Variants in GALK2 observed in about 807,000 individuals in gnomAD.
GALK2 encodes N-acetylgalactosamine kinase.
A neutral mutation model predicts 52.4 loss-of-function variants in GALK2; 36 were observed. The ratio of observed to expected loss-of-function variants is 0.69; its 90% CI spans 0.53 to 0.91. GALK2 has a LOEUF of 0.91. GALK2 is among the 40% of genes least tolerant of loss of function. GALK2 has a pLI of 0.00. For missense variants in GALK2, 579 were observed against 559.1 expected (o/e 1.04, Z -0.36); for synonymous variants, 176 against 199.1 (o/e 0.88, Z 0.98).
At chr15:49,232,807 T>C (rs535674188) in intron 3 of GALK2, among the ~76,000 whole-genome samples, 134 of 152,226 alleles carry the variant, frequency 8.8e-4, no homozygotes, top group Non-Finnish European at 1.7e-3. Flanking sequence ...AAATGACCTT[T>C]ACACTAGTTC....
chr15:49,294,101 A>T (rs2034212300), intron 8 of GALK2, among the ~76,000 whole-genome samples: 1 of 148,622 alleles, frequency 6.7e-6, no homozygotes, highest in Admixed American at 6.8e-5. Context: ...TAAATAAATA[A>T]ATAAATAAAT....
At position 49,328,753 on chromosome 15, in the gene GALK2, C is replaced by A; in HGVS notation, c.*594C>A. The A allele has an allele frequency of 6.7e-7, 1 of 1,487,840 alleles. No homozygotes were observed. The highest frequency in any genetic ancestry group is 9.0e-7 in the Non-Finnish European group (1 of 1,116,194). The allele number at this position is 1,487,840 out of a possible 1,614,324, so 92.2% of individuals were successfully genotyped here. A position where few individuals can be genotyped will look rare whatever the true frequency, so the allele number is the denominator to read the frequency against. On this transcript the variant is annotated 3_prime_UTR_variant, in exon 10 of 10. Coordinates refer to ENST00000560031, the MANE Select transcript of GALK2 (RefSeq NM_002044.4). ...AATTGAATTTGAATGTGAGATTTCT[C>A]CAGTTATCAAGAGACTAAGGATTTT...
chr15:49,192,496 T>TATATATATATAC (rs1389951854), intron 1 of GALK2, among the ~76,000 whole-genome samples: 3 of 41,974 alleles, frequency 7.1e-5, no homozygotes, highest in East Asian at 1.0e-3. Flanking sequence ...TATATATATA[T>TATATATATATAC]ATATATATAT....
upstream of GALK2, chr15:49,169,302 T>G (rs1168625815): frequency 6.6e-6 from 1 of 152,138 alleles, no homozygotes; most frequent in African/African-American, 2.4e-5. Flanking sequence ...TATTGCTAGC[T>G]GTCTTTGCTT....
chr15:49,286,512 C>T (rs779569647), intron 7 of GALK2, among the ~76,000 whole-genome samples: 10 of 152,056 alleles, frequency 6.6e-5, no homozygotes, highest in African/African-American at 1.2e-4. Flanking sequence ...ATATACTGAA[C>T]GAGGAAAATA....
intron 1 of GALK2, among the ~76,000 whole-genome samples, chr15:49,190,247 A>G (rs1211361164): frequency 1.3e-5 from 2 of 152,212 alleles, no homozygotes; most frequent in Non-Finnish European, 2.9e-5. Context: ...ATGGTATTTT[A>G]CAACTCTATA....
chr15:49,303,266 A>G (rs2035266890), intron 8 of GALK2, among the ~76,000 whole-genome samples: 1 of 152,224 alleles, frequency 6.6e-6, no homozygotes, highest in African/African-American at 2.4e-5. Flanking sequence ...CTTCAAAACT[A>G]AAAATGAATG....
chr15:49,296,348 C>G (rs894005545), intron 8 of GALK2, among the ~76,000 whole-genome samples: 1 of 152,138 alleles, frequency 6.6e-6, no homozygotes, highest in Non-Finnish European at 1.5e-5. Context: ...CAGTGTTTAC[C>G]TCCCACTTAC....
chr15:49,209,927 G>T (rs775893901), intron 2 of GALK2, among the ~76,000 whole-genome samples: 1 of 152,150 alleles, frequency 6.6e-6, no homozygotes. Flanking sequence ...TTCTTTAAAG[G>T]TTTGGTAGAA....
chr15:49,271,135 A>G (rs2030510615), intron 5 of GALK2, among the ~76,000 whole-genome samples: 1 of 152,166 alleles, frequency 6.6e-6, no homozygotes, highest in Non-Finnish European at 1.5e-5. Context: ...AGCCAAAATA[A>G]GTATTCTGCC....
chr15:49,215,708 A>G (rs1262541558), intron 2 of GALK2, among the ~76,000 whole-genome samples: 1 of 152,258 alleles, frequency 6.6e-6, no homozygotes, highest in African/African-American at 2.4e-5. Context: ...AAGGACATAC[A>G]TCTCCATCTT....
intron 4 of GALK2, among the ~76,000 whole-genome samples, chr15:49,237,246 G>A (rs967575768): frequency 6.6e-6 from 1 of 152,116 alleles, no homozygotes; most frequent in Non-Finnish European, 1.5e-5. Flanking sequence ...CTTATACAAT[G>A]AACTTTTGGC....
At chr15:49,167,469 C>T (rs1251353552), upstream of GALK2, among the ~76,000 whole-genome samples, 4 of 152,020 alleles carry the variant, frequency 2.6e-5, no homozygotes, top group Admixed American at 6.6e-5. Context: ...GCGATTCTCC[C>T]GCCTCAGCCT....
intron 5 of GALK2, among the ~76,000 whole-genome samples, chr15:49,264,234 C>G (rs1382944692): frequency 6.6e-6 from 1 of 151,934 alleles, no homozygotes; most frequent in African/African-American, 2.4e-5. Context: ...GGTCTTTTCA[C>G]ATAGTCCCAT....
intron 8 of GALK2, among the ~76,000 whole-genome samples, chr15:49,299,100 T>C (rs1234145574): frequency 6.6e-6 from 1 of 152,152 alleles, no homozygotes; most frequent in African/African-American, 2.4e-5. Context: ...TATTTGTCTG[T>C]TCAGGAATTC....
At chr15:49,295,220 T>G (rs181298619) in intron 8 of GALK2, among the ~76,000 whole-genome samples, 1 of 151,590 alleles carries the variant, frequency 6.6e-6, no homozygotes, top group African/African-American at 2.4e-5. Flanking sequence ...AAAAGAAATA[T>G]AAGGTAAATA....
chr15:49,285,547 A>T (rs150387577), intron 7 of GALK2, among the ~76,000 whole-genome samples: 1 of 152,218 alleles, frequency 6.6e-6, no homozygotes, highest in African/African-American at 2.4e-5. Flanking sequence ...TTCCTAATAA[A>T]CATCTTCAAC....
intron 1 of GALK2, among the ~76,000 whole-genome samples, chr15:49,174,242 A>G (rs1289394849): frequency 6.6e-6 from 1 of 152,196 alleles, no homozygotes; most frequent in Admixed American, 6.5e-5. Flanking sequence ...ATTTATGAAA[A>G]TGGAAGCAGA....
intron 1 of GALK2, among the ~76,000 whole-genome samples, chr15:49,179,318 G>A (rs2085769885): frequency 6.6e-6 from 1 of 152,126 alleles, no homozygotes. Flanking sequence ...GAGGCATGGA[G>A]CAACTCATAC....
Sources: gnomAD v4.1 joint callset for allele counts (sites outside exome capture counted in the v4.1 genomes callset) on GRCh38, gnomAD v4.1.1 for gene constraint, MANE v1.5 for transcripts, NCBI Gene and HGNC (gene_info 2026-07-23, HGNC 2026-07-21) for gene names.